LONP2: variants seen among roughly 807,000 people sequenced by gnomAD.
LONP2 encodes lon protease homolog 2, peroxisomal.
Under a neutral mutation model 85.6 loss-of-function variants are expected in LONP2, and 60 were observed. The ratio of observed to expected loss-of-function variants is 0.70; its 90% CI spans 0.57 to 0.87. The LOEUF is 0.87. LONP2 is among the 40% of genes least tolerant of loss of function. The pLI is 0.00. For synonymous variants in LONP2, 395 were observed against 389.7 expected (o/e 1.01, Z -0.16); for missense variants, 860 against 1,063.5 (o/e 0.81, Z 2.66).
rs1159327433 is a variant in LONP2 at position 48,258,616 on chromosome 16, A to G, written c.601-2A>G. On this transcript the variant is annotated splice_acceptor_variant, in intron 3 of 14. Transcript: ENST00000285737. LOFTEE classifies it high-confidence loss of function. ...CCTATTGATTGACTCACATTTCCTT[A>G]GATTTTAGATGCTGTGAGCCTAGAG... 1 of 1,589,208 alleles carries G rather than the reference A, an allele frequency of 6.3e-7. No individual in the cohort carries two copies. Among genetic ancestry groups the G allele is most frequent in the Non-Finnish European group, 8.5e-7 (1 of 1,171,186 alleles).
Position 48,270,072 on chromosome 16 carries a change from GA to G in LONP2, c.1044del (p.Lys348AsnfsTer2). ...TCTGGATAATGACCATTACGCCATGGAAAAATTGAAGAAAAGAGTACTGGAA... is the reference window on the plus strand; with the variant it reads ...TCTGGATAATGACCATTACGCCATGGAAAATTGAAGAAAAGAGTACTGGAA... ...ILLDNDHYAM[E>X]KLKKRVLEYL... On this transcript the variant is annotated frameshift_variant, in exon 7 of 15. Transcript: ENST00000285737. LOFTEE classifies it high-confidence loss of function. 1 of 1,614,012 alleles carries G rather than the reference GA, an allele frequency of 6.2e-7. No homozygotes were observed. Among genetic ancestry groups the G allele is most frequent in the Non-Finnish European group, 8.5e-7 (1 of 1,179,954 alleles).
chr16:48,290,495 C>T (rs1289172789), intron 8 of LONP2, among the ~76,000 whole-genome samples: 3 of 152,204 alleles, frequency 2.0e-5, no homozygotes, highest in Non-Finnish European at 2.9e-5. Flanking sequence ...AGTTGACTTC[C>T]AGAACGTGTG....
intron 8 of LONP2, among the ~76,000 whole-genome samples, chr16:48,287,906 A>G (rs1404096197): frequency 6.6e-6 from 1 of 152,146 alleles, no homozygotes; most frequent in Non-Finnish European, 1.5e-5. Flanking sequence ...CTACCATTAT[A>G]TAATAGAAGT....
At chr16:48,327,109 A>G (rs1325924299) in intron 11 of LONP2, among the ~76,000 whole-genome samples, 2 of 152,208 alleles carry the variant, frequency 1.3e-5, no homozygotes, top group Non-Finnish European at 2.9e-5. Flanking sequence ...CTGTGAGTGC[A>G]TTGCTGGTTC....
chr16:48,311,439 G>A (rs1337105582), intron 11 of LONP2, among the ~76,000 whole-genome samples: 1 of 150,442 alleles, frequency 6.6e-6, no homozygotes, highest in East Asian at 1.9e-4. Context: ...GCTTGGTCTA[G>A]TCTGTTGTTG....
At chr16:48,302,533 T>A (rs1182326414) in intron 10 of LONP2, among the ~76,000 whole-genome samples, 2 of 152,222 alleles carry the variant, frequency 1.3e-5, no homozygotes, top group Non-Finnish European at 2.9e-5. Context: ...CTTAACGGAG[T>A]TTGATTCTAA....
intron 7 of LONP2, among the ~76,000 whole-genome samples, chr16:48,276,837 T>C (rs2150981976): frequency 6.7e-6 from 1 of 148,230 alleles, no homozygotes; most frequent in Non-Finnish European, 1.5e-5. Flanking sequence ...TTCTTTTTTG[T>C]TGTTGTTTTT....
In LONP2 at chr16:48,270,139, C is replaced by T; in HGVS notation, c.1106C>T (p.Pro369Leu). ...VRQLKNNLKG[P>L]ILCFVGPPGV... is the part of the protein sequence containing the mutation. ...CAGCTCAAAAATAACCTGAAGGGCC[C>T]AATCCTATGCTTTGTTGGCCCTCCT... Residue 369 changes from proline (P) to leucine (L), a missense_variant, in exon 7 of 15, where the codon CCA becomes CTA. Coordinates refer to ENST00000285737, the MANE Select transcript of LONP2 (RefSeq NM_031490.5). 1.2e-6 allele frequency: 2 copies of T among 1,614,008 alleles called. No homozygotes were observed. Among genetic ancestry groups the T allele is most frequent in the Non-Finnish European group, 1.7e-6 (2 of 1,179,986 alleles).
intron 14 of LONP2, among the ~76,000 whole-genome samples, chr16:48,349,543 C>G (rs1597006044): frequency 1.3e-5 from 2 of 152,338 alleles, no homozygotes. Flanking sequence ...TCAGGAGAGA[C>G]AGCCACAGCG....
At chr16:48,280,447 T>C (rs1972302667) in intron 8 of LONP2, among the ~76,000 whole-genome samples, 1 of 152,264 alleles carries the variant, frequency 6.6e-6, no homozygotes, top group South Asian at 2.1e-4. Flanking sequence ...GGTCTTCACC[T>C]ATATATACTT....
chr16:48,248,123 G>A (rs1194200409), intron 1 of LONP2, among the ~76,000 whole-genome samples: 1 of 151,444 alleles, frequency 6.6e-6, no homozygotes, highest in African/African-American at 2.4e-5. Context: ...CACCTAAGTT[G>A]TTCTACTTTA....
At position 48,256,600 on chromosome 16, in the gene LONP2, C is replaced by A; in HGVS notation, c.469-10C>A. ...GATTTCATTTAAAAGACTTTTTTTCCCCCTTCTAGTTGGTTGAAATGTTGG... is the reference window on the plus strand; with the variant it reads ...GATTTCATTTAAAAGACTTTTTTTCACCCTTCTAGTTGGTTGAAATGTTGG... On this transcript the variant is annotated splice_polypyrimidine_tract_variant and intron_variant, in intron 2 of 14. Transcript: ENST00000285737. 3 of 1,602,712 alleles carry A rather than the reference C, an allele frequency of 1.9e-6. No homozygotes were observed. The highest frequency in any genetic ancestry group is 2.5e-6 in the Non-Finnish European group (3 of 1,177,002).
At chr16:48,338,217 A>G (rs563747125) in intron 12 of LONP2, among the ~76,000 whole-genome samples, 5 of 152,364 alleles carry the variant, frequency 3.3e-5, no homozygotes, top group Admixed American at 3.3e-4. Flanking sequence ...ATACCTATTA[A>G]GGACCTAACA....
rs1356950763 is a variant in LONP2, at chr16:48,250,658, CTG to C, written c.234-1470_234-1469del. 1.6e-4 allele frequency among the ~76,000 whole-genome samples: 25 copies of C among 152,228 alleles called. No individual in the cohort carries two copies. The East Asian group carries it at 4.6e-3, about 28-fold the overall frequency. On this transcript the variant is annotated intron_variant, in intron 1 of 14. Coordinates refer to ENST00000285737, the MANE Select transcript of LONP2 (RefSeq NM_031490.5). The stretch of plus-strand genomic sequence containing the variant: ...TTAGGCCGGGGATCCAGTTTCTTGT[CTG>C]TGGATGTTTTATATACAAACAGGAC...
intron 11 of LONP2, among the ~76,000 whole-genome samples, chr16:48,304,971 A>C (rs1972882409): frequency 6.6e-6 from 1 of 152,216 alleles, no homozygotes; most frequent in Non-Finnish European, 1.5e-5. Flanking sequence ...GACACAGCCA[A>C]ATGTCTTTCT....
At position 48,261,671 on chromosome 16, in the gene LONP2, A is replaced by G. The variant is rs554819805; in HGVS notation, c.887+84A>G. The G allele has an allele frequency of 1.9e-5, 19 of 991,812 alleles. No individual in the cohort carries two copies. In the South Asian group the frequency reaches 3.4e-4, roughly 18 times the overall value. The allele number at this position is 991,812 out of a possible 1,614,324, so 61.4% of individuals were successfully genotyped here. A position where few individuals can be genotyped will look rare whatever the true frequency, so the allele number is the denominator to read the frequency against. On this transcript the variant is annotated intron_variant, in intron 5 of 14. Transcript: ENST00000285737. ...ACCACTTTCACTACTCTTTTCTCCA[A>G]TACTGAGGATACATAATACAAATCT... is the stretch of plus-strand genomic sequence containing the variant.
intron 8 of LONP2, among the ~76,000 whole-genome samples, chr16:48,281,418 A>C (rs1972325084): frequency 2.0e-5 from 3 of 152,186 alleles, no homozygotes; most frequent in Admixed American, 2.0e-4. Flanking sequence ...CAACTACTTA[A>C]TTAATAAATG....
intron 14 of LONP2, 121 bp downstream of exon 14, chr16:48,348,411 T>G (rs1960036965): frequency 6.2e-6 from 3 of 481,424 alleles, no homozygotes; most frequent in African/African-American, 2.0e-5. Context: ...ATATATTATA[T>G]TTTTATGCCT....
intron 6 of LONP2, among the ~76,000 whole-genome samples, chr16:48,265,363 G>A (rs943731558): frequency 1.3e-5 from 2 of 152,124 alleles, no homozygotes; most frequent in South Asian, 2.1e-4. Context: ...TTACATTTAA[G>A]TCTTTAATCC....
Sources: allele counts gnomAD v4.1 joint callset (sites outside exome capture counted in the v4.1 genomes callset), GRCh38; gene constraint gnomAD v4.1.1; transcripts MANE v1.5; gene names NCBI Gene and HGNC (gene_info 2026-07-23, HGNC 2026-07-21).